CEMIP: variants seen among roughly 807,000 people sequenced by gnomAD.
CEMIP encodes the protein cell migration-inducing and hyaluronan-binding protein.
CEMIP carries 105 observed loss-of-function variants against 156.9 expected under a neutral mutation model. The ratio of observed to expected loss-of-function variants is 0.67; its 90% CI spans 0.57 to 0.79. The LOEUF is 0.79. Among genes scored for constraint, CEMIP ranks in the 30% least tolerant of loss-of-function variants. CEMIP has a pLI of 0.00. For synonymous variants in CEMIP, 676 were observed against 668.4 expected (o/e 1.01, Z -0.17); for missense variants, 1,457 against 1,769.4 (o/e 0.82, Z 3.17).
chr15:80,807,147 G>A (rs768363314), intron 1 of CEMIP, among the ~76,000 whole-genome samples: 1 of 152,112 alleles, frequency 6.6e-6, no homozygotes, highest in Non-Finnish European at 1.5e-5. Context: ...CTAGACGTAG[G>A]ATAGGTGAGA....
At chr15:80,834,835 T>A (rs1004689985) in intron 1 of CEMIP, among the ~76,000 whole-genome samples, 1 of 152,118 alleles carries the variant, frequency 6.6e-6, no homozygotes, top group African/African-American at 2.4e-5. Flanking sequence ...ATTCTCCCTA[T>A]CAGTTTGGAA....
chr15:80,920,248 T>A lies in CEMIP; in HGVS notation c.1952T>A (p.Ile651Asn). 1 of 1,614,176 alleles carries A rather than the reference T, an allele frequency of 6.2e-7. No homozygotes were observed. The highest frequency in any genetic ancestry group is 1.1e-5 in the South Asian group (1 of 91,074). ...SDRDSKMCKM[I>N]TEDSYPGYIP... ...CGTGACAGCAAGATGTGCAAGATGA[T>A]CACAGAGGACTCCTACCCGGGGTAC... The change falls in exon 15 of 30, where the codon ATC becomes AAC. Residue 651 changes from isoleucine (I) to asparagine (N), a missense_variant. Physicochemically the swap from Ile to Asn is moderately radical, Grantham distance 149 (BLOSUM62 -3). This residue lies in a region of CEMIP where 798 missense variants were observed against 980.1 expected (regional missense o/e 0.81). Coordinates refer to ENST00000394685, the MANE Select transcript of CEMIP (RefSeq NM_001293298.2).
chr15:80,866,379 C>CAGG (rs1898126348), intron 1 of CEMIP, among the ~76,000 whole-genome samples: 1 of 152,058 alleles, frequency 6.6e-6, no homozygotes. Flanking sequence ...CACTTGAAGT[C>CAGG]AGGAGTTCAA....
chr15:80,945,708 T>A (rs557500219), intron 28 of CEMIP, among the ~76,000 whole-genome samples: 10 of 152,334 alleles, frequency 6.6e-5, no homozygotes, highest in Non-Finnish European at 1.5e-4. Flanking sequence ...AGTTTTTCCA[T>A]GTCTGGACTG....
chr15:80,853,935 G>A (rs904049050), intron 1 of CEMIP, among the ~76,000 whole-genome samples: 1 of 152,256 alleles, frequency 6.6e-6, no homozygotes, highest in African/African-American at 2.4e-5. Context: ...TCATGGTCTT[G>A]ATGGTTTTTA....
intron 1 of CEMIP, among the ~76,000 whole-genome samples, chr15:80,826,555 A>T (rs1897043579): frequency 1.3e-5 from 2 of 152,240 alleles, no homozygotes. Context: ...CTTGCAGAGA[A>T]CTAAGACCTG....
At position 80,895,962 on chromosome 15, in the gene CEMIP, C is replaced by G. The variant is rs1009874857; in HGVS notation, c.1313C>G (p.Thr438Ser). The change falls in exon 12 of 30, where the codon ACC (threonine) becomes AGC (serine). Residue 438 changes from threonine to serine, a missense_variant. Physicochemically the swap from Thr to Ser is moderately conservative, Grantham distance 58. Coordinates refer to ENST00000394685, the MANE Select transcript of CEMIP (RefSeq NM_001293298.2). ...DNVQSWKPGD[T>S]LVIASTDYSM... ...GTACAGTCATGGAAACCTGGAGATA[C>G]CCTGGTCATTGCCAGTACTGATTAC... The G allele has an allele frequency of 6.2e-7, 1 of 1,614,118 alleles. No homozygotes were observed. The highest frequency in any genetic ancestry group is 1.7e-5 in the Admixed American group (1 of 60,030).
In CEMIP at chr15:80,895,078, G is replaced by T. The variant is rs900552175; in HGVS notation, c.1175G>T (p.Arg392Ile). The T allele has an allele frequency of 8.1e-6, 13 of 1,614,098 alleles. No homozygotes were observed. Among genetic ancestry groups the T allele is most frequent in the South Asian group, 3.3e-5 (3 of 91,092 alleles). Reference protein sequence around the residue: ...DYRFACYDRGRACRSYRVRFL... With the variant: ...DYRFACYDRGIACRSYRVRFL... ...AGGTTTGCTTGCTACGACCGGGGCA[G>T]AGCCTGCCGGAGCTACCGTGTACGG... is the stretch of plus-strand genomic sequence containing the variant. Residue 392 changes from arginine to isoleucine, a missense_variant, in exon 11 of 30, where the codon AGA (arginine) becomes ATA (isoleucine). Coordinates refer to ENST00000394685, the MANE Select transcript of CEMIP (RefSeq NM_001293298.2).
chr15:80,925,758 G>C lies in CEMIP; in HGVS notation c.2420+3G>C, dbSNP rs746378714. On this transcript the variant is annotated splice_donor_region_variant and intron_variant, in intron 19 of 29. Coordinates refer to ENST00000394685, the MANE Select transcript of CEMIP (RefSeq NM_001293298.2). ...GATGTGTGGCTGGACAGCTGCCGGT[G>C]AGTCAGAGCGGCGTGTGGCTTTGGC... The C allele has an allele frequency of 6.2e-7, 1 of 1,611,862 alleles. No individual in the cohort carries two copies. Among genetic ancestry groups the C allele is most frequent in the East Asian group, 2.2e-5 (1 of 44,868 alleles).
intron 1 of CEMIP, among the ~76,000 whole-genome samples, chr15:80,787,741 G>A (rs540358953): frequency 2.0e-4 from 30 of 152,176 alleles, no homozygotes; most frequent in Non-Finnish European, 3.1e-4. Flanking sequence ...TGTCTTAGGG[G>A]GCTGGCCAGT....
intron 1 of CEMIP, among the ~76,000 whole-genome samples, chr15:80,869,133 G>A (rs1427890103): frequency 6.6e-6 from 1 of 152,112 alleles, no homozygotes; most frequent in Non-Finnish European, 1.5e-5. Flanking sequence ...CTCTTCACAT[G>A]GTCTCTCCTT....
At chr15:80,847,965 G>C (rs559364449) in intron 1 of CEMIP, among the ~76,000 whole-genome samples, 2 of 152,230 alleles carry the variant, frequency 1.3e-5, no homozygotes, top group Non-Finnish European at 2.9e-5. Context: ...CAGCTCTCCA[G>C]CATGTGCATC....
chr15:80,914,998 T>A (rs1164265493), intron 14 of CEMIP, among the ~76,000 whole-genome samples: 1 of 152,114 alleles, frequency 6.6e-6, no homozygotes, highest in Non-Finnish European at 1.5e-5. Flanking sequence ...TTGTGCTGAG[T>A]CAGTTCCTGG....
At chr15:80,834,943 A>C (rs1197661732) in intron 1 of CEMIP, among the ~76,000 whole-genome samples, 1 of 152,300 alleles carries the variant, frequency 6.6e-6, no homozygotes, top group Non-Finnish European at 1.5e-5. Flanking sequence ...TCTCAAAAAA[A>C]TATTTTTTTG....
chr15:80,838,025 G>C (rs1285825955), intron 1 of CEMIP, among the ~76,000 whole-genome samples: 1 of 152,174 alleles, frequency 6.6e-6, no homozygotes, highest in East Asian at 1.9e-4. Flanking sequence ...GCTGTCCCAG[G>C]TGTGCTGTAT....
chr15:80,831,226 G>C (rs1057353730), intron 1 of CEMIP, among the ~76,000 whole-genome samples: 4 of 152,188 alleles, frequency 2.6e-5, no homozygotes, highest in Non-Finnish European at 4.4e-5. Context: ...TTCCGTGAAG[G>C]TGTTGAGGTT....
chr15:80,860,854 C>T (rs1596139994), intron 1 of CEMIP, among the ~76,000 whole-genome samples: 5 of 152,222 alleles, frequency 3.3e-5, no homozygotes, highest in South Asian at 2.1e-4. Flanking sequence ...GCTGCACTCC[C>T]TCACACCCTT....
Position 80,834,669 on chromosome 15 carries a change from A to C in CEMIP, c.-175-38869A>C, listed in dbSNP as rs994931885. ...CAATACTACGCTGTCTTAAAGACTT[A>C]GCTTTAGCATATGTCTTGAAATCCA... On this transcript the variant is annotated intron_variant, in intron 1 of 29. Coordinates refer to ENST00000394685, the MANE Select transcript of CEMIP (RefSeq NM_001293298.2). 3.9e-5 allele frequency among the ~76,000 whole-genome samples: 6 copies of C among 152,232 alleles called. 1 individual carries two copies. The highest frequency in any genetic ancestry group is 2.6e-4 in the Admixed American group (4 of 15,282).
intron 1 of CEMIP, among the ~76,000 whole-genome samples, chr15:80,859,677 G>A (rs541576876): frequency 3.9e-5 from 6 of 152,320 alleles, no homozygotes; most frequent in East Asian, 3.9e-4. Context: ...TATCAGAATC[G>A]AATGGATTAT....
Sources: allele counts gnomAD v4.1 joint callset (sites outside exome capture counted in the v4.1 genomes callset), GRCh38; gene constraint gnomAD v4.1.1; regional missense constraint gnomAD v4.1.1; transcripts MANE v1.5; gene names NCBI Gene and HGNC (gene_info 2026-07-23, HGNC 2026-07-21).